SLCO1B3: variants seen among roughly 807,000 people sequenced by gnomAD.
SLCO1B3 encodes the protein liver-specific organic anion transporter 2.
In SLCO1B3, 72 loss-of-function variants were observed where a neutral mutation model predicts 71.8. That is an observed-to-expected ratio of 1.00 (90% CI 0.83 to 1.22). The LOEUF (loss-of-function observed/expected upper bound fraction) is 1.22, where lower values mean the gene tolerates loss of function less well. Among genes scored for constraint, SLCO1B3 ranks in the 50% most tolerant of loss-of-function variants. The pLI is 0.00. For missense variants in SLCO1B3, 911 were observed against 819.7 expected, an observed-to-expected ratio of 1.11 and a Z score of -1.36; for synonymous variants, 298 against 278.4, an observed-to-expected ratio of 1.07 and a Z score of -0.70.
chr12:20,890,238 A>C (rs894960682), intron 13 of SLCO1B3, among the ~76,000 whole-genome samples: 1 of 152,098 alleles, frequency 6.6e-6, no homozygotes, highest in East Asian at 1.9e-4. Context: ...TTAAAAAAAA[A>C]ATCTGCCTTG....
intron 3 of SLCO1B3, among the ~76,000 whole-genome samples, chr12:20,824,839 A>G (rs1035676696): frequency 6.6e-6 from 1 of 152,222 alleles, no homozygotes; most frequent in African/African-American, 2.4e-5. Context: ...TAATTTTACA[A>G]TTTAATTTTG....
intron 10 of SLCO1B3, among the ~76,000 whole-genome samples, chr12:20,878,184 A>G (rs945184552): frequency 4.3e-4 from 66 of 151,742 alleles, no homozygotes; most frequent in African/African-American, 1.3e-3. Flanking sequence ...AATTCTAAAG[A>G]AAAAAAATTG....
chr12:20,848,071 T>C (rs1219348316), intron 3 of SLCO1B3, among the ~76,000 whole-genome samples: 1 of 152,066 alleles, frequency 6.6e-6, no homozygotes, highest in African/African-American at 2.4e-5. Flanking sequence ...TCAGAAACTA[T>C]GGAGACTAGT....
chr12:20,869,127 A>C (rs1182971328), intron 8 of SLCO1B3, among the ~76,000 whole-genome samples: 1 of 151,994 alleles, frequency 6.6e-6, no homozygotes, highest in African/African-American at 2.4e-5. Flanking sequence ...GTCTTTTCTA[A>C]ACTCCCCCGG....
chr12:20,857,601 G>A (rs922996365), intron 4 of SLCO1B3, among the ~76,000 whole-genome samples: 1 of 151,778 alleles, frequency 6.6e-6, no homozygotes, highest in East Asian at 1.9e-4. Flanking sequence ...TTCTATGGCT[G>A]CAACATGCCA....
At chr12:20,885,935 C>T (rs35254320) in intron 13 of SLCO1B3, among the ~76,000 whole-genome samples, 16,020 of 151,878 alleles carry the variant, frequency 0.11, 1,127 homozygotes, top group Middle Eastern at 0.22. Context: ...TTTTGGAAGA[C>T]AAGAATGAAA....
At chr12:20,816,170 C>T (rs1432690572) in intron 3 of SLCO1B3, among the ~76,000 whole-genome samples, 9 of 152,062 alleles carry the variant, frequency 5.9e-5, no homozygotes, top group Admixed American at 5.9e-4. Context: ...AACAATGCGG[C>T]ATCCATTTCC....
rs1369507740 is a variant in SLCO1B3 at position 20,898,460 on chromosome 12, A to T, written c.1707A>T (p.Ala569=). Residue 569 remains alanine, a synonymous_variant, in exon 14 of 16, where the codon GCA becomes GCT. Coordinates refer to ENST00000381545, the MANE Select transcript of SLCO1B3 (RefSeq NM_019844.4). ...GGATTGTTCAACCTGAATTGAAAGC[A>T]CTTGCAATGGGTTTCCAGTCAATGG... ...TVKIVQPELK[A]LAMGFQSMVI... The T allele has an allele frequency of 2.5e-6, 4 of 1,599,264 alleles. No homozygotes were observed. The African/African-American group carries it at 5.4e-5, about 21-fold the overall frequency.
intron 3 of SLCO1B3, chr12:20,845,138 A>G: frequency 2.2e-6 from 1 of 454,762 alleles, no homozygotes; most frequent in South Asian, 1.7e-5. Flanking sequence ...GACTTAGACT[A>G]TGTCATTGAG....
chr12:20,900,716 G>A lies in SLCO1B3; in HGVS notation c.1748-634G>A, dbSNP rs539165144. 5.7e-4 allele frequency among the ~76,000 whole-genome samples: 87 copies of A among 152,266 alleles called. 1 individual carries two copies. Among genetic ancestry groups the A allele is most frequent in the Non-Finnish European group, 6.3e-4 (43 of 68,020 alleles). On this transcript the variant is annotated intron_variant, in intron 14 of 15. Coordinates refer to ENST00000381545, the MANE Select transcript of SLCO1B3 (RefSeq NM_019844.4). ...AAAAAGTGCATGAAATCAATGGAGA[G>A]AAAATGCTGAATTGTGGGCTCTGAT...
intron 3 of SLCO1B3, among the ~76,000 whole-genome samples, chr12:20,841,100 T>A (rs1864790566): frequency 6.6e-6 from 1 of 152,138 alleles, no homozygotes; most frequent in African/African-American, 2.4e-5. Flanking sequence ...TTTTTTACCC[T>A]AGCACTATTT....
intron 3 of SLCO1B3, among the ~76,000 whole-genome samples, chr12:20,819,590 T>C (rs1424502554): frequency 6.6e-6 from 1 of 152,178 alleles, no homozygotes; most frequent in Admixed American, 6.5e-5. Flanking sequence ...CAAAATAATT[T>C]GGTTGATAAG....
chr12:20,834,566 C>G (rs955975001), intron 3 of SLCO1B3, among the ~76,000 whole-genome samples: 1 of 151,162 alleles, frequency 6.6e-6, no homozygotes, highest in Admixed American at 6.6e-5. Flanking sequence ...ATCTATCTCT[C>G]TGTACCATAA....
rs200774414 is a variant in SLCO1B3 at position 20,916,081 on chromosome 12, A to T, written c.1943A>T (p.Lys648Met). The T allele has an allele frequency of 6.2e-7, 1 of 1,613,126 alleles. No individual in the cohort carries two copies. ...VLYIVFIFAM[K>M]KKFQGKDTKA... ...TATATTGTTTTCATTTTTGCTATGA[A>T]GAAAAAATTTCAAGGAAAAGATACC... The change falls in exon 16 of 16, where the codon AAG becomes ATG. Residue 648 changes from lysine to methionine, a missense_variant. Coordinates refer to ENST00000381545, the MANE Select transcript of SLCO1B3 (RefSeq NM_019844.4).
At chr12:20,867,519 C>G (rs1374748850) in intron 8 of SLCO1B3, among the ~76,000 whole-genome samples, 1 of 151,518 alleles carries the variant, frequency 6.6e-6, no homozygotes, top group East Asian at 1.9e-4. Context: ...GAGGAATTAA[C>G]AGAAGACAAC....
At chr12:20,885,307 G>A (rs1865772528) in intron 13 of SLCO1B3, among the ~76,000 whole-genome samples, 1 of 152,140 alleles carries the variant, frequency 6.6e-6, no homozygotes, top group Non-Finnish European at 1.5e-5. Flanking sequence ...AGACTCAGCA[G>A]GAGTGTAGAC....
chr12:20,867,048 C>T (rs1326700450), intron 8 of SLCO1B3, among the ~76,000 whole-genome samples: 1 of 152,078 alleles, frequency 6.6e-6, no homozygotes, highest in Non-Finnish European at 1.5e-5. Context: ...CTTTTAAAGT[C>T]CTTTTGATAA....
At chr12:20,872,352 G>A (rs1865491518) in intron 8 of SLCO1B3, among the ~76,000 whole-genome samples, 1 of 150,796 alleles carries the variant, frequency 6.6e-6, no homozygotes. Context: ...GCCCAGGGCA[G>A]GTCTAGAAAT....
At chr12:20,862,888 G>A in intron 8 of SLCO1B3, 34 bp downstream of exon 8, 1 of 1,134,912 alleles carries the variant, frequency 8.8e-7, no homozygotes, top group East Asian at 2.4e-5. Context: ...CCATGATAGT[G>A]TCTTTTAAGT....
Sources: gnomAD v4.1 joint callset for allele counts (sites outside exome capture counted in the v4.1 genomes callset) on GRCh38, gnomAD v4.1.1 for gene constraint, MANE v1.5 for transcripts, NCBI Gene and HGNC (gene_info 2026-07-23, HGNC 2026-07-21) for gene names.